The following SLC4A8 variants were observed in gnomAD, a reference collection of about 807,000 sequenced individuals.
SLC4A8 encodes the protein solute carrier family 4 member 8.
SLC4A8 carries 40 observed loss-of-function variants against 125.0 expected under a neutral mutation model. The ratio of observed to expected loss-of-function variants is 0.32; its 90% CI spans 0.25 to 0.42. The LOEUF (loss-of-function observed/expected upper bound fraction) is 0.42, where lower values mean the gene tolerates loss of function less well. SLC4A8 is among the 10% of genes least tolerant of loss of function. The pLI is 1.00. For missense variants in SLC4A8, 863 were observed against 1,355.1 expected, an observed-to-expected ratio of 0.64 and a Z score of 5.70; for synonymous variants, 456 against 476.0, an observed-to-expected ratio of 0.96 and a Z score of 0.55.
intron 22 of SLC4A8, among the ~76,000 whole-genome samples, chr12:51,502,974 T>TG (rs1937982111): frequency 1.3e-5 from 2 of 151,772 alleles, no homozygotes; most frequent in East Asian, 2.0e-4. Context: ...CCCGAGTAGC[T>TG]GGGACTACAG....
intron 11 of SLC4A8, among the ~76,000 whole-genome samples, chr12:51,463,939 A>G (rs1950433225): frequency 6.6e-6 from 1 of 152,120 alleles, no homozygotes; most frequent in African/African-American, 2.4e-5. Context: ...TCTCACCTCC[A>G]GTCCTTCCTA....
intron 1 of SLC4A8, among the ~76,000 whole-genome samples, chr12:51,413,628 G>A (rs192888323): frequency 6.6e-6 from 1 of 152,316 alleles, no homozygotes; most frequent in African/African-American, 2.4e-5. Flanking sequence ...TCATTCTTCT[G>A]CGTATGGATA....
At chr12:51,395,785 C>T (rs1040927035) in intron 1 of SLC4A8, among the ~76,000 whole-genome samples, 10 of 152,198 alleles carry the variant, frequency 6.6e-5, no homozygotes, top group Non-Finnish European at 1.2e-4. Flanking sequence ...TCTCCCACTC[C>T]CTCCCTACCT....
At chr12:51,464,968 A>G (rs1038194755) in intron 11 of SLC4A8, among the ~76,000 whole-genome samples, 4 of 152,112 alleles carry the variant, frequency 2.6e-5, no homozygotes, top group Non-Finnish European at 4.4e-5. Flanking sequence ...GTGCTCTGGG[A>G]GGGAGCATTG....
chr12:51,447,002 G>C (rs1045813229), intron 2 of SLC4A8, among the ~76,000 whole-genome samples: 1 of 152,020 alleles, frequency 6.6e-6, no homozygotes, highest in African/African-American at 2.4e-5. Flanking sequence ...CATGAGAACA[G>C]CACTAACCAA....
At chr12:51,482,373 G>A (rs1328132671) in intron 16 of SLC4A8, among the ~76,000 whole-genome samples, 2 of 151,552 alleles carry the variant, frequency 1.3e-5, no homozygotes, top group African/African-American at 4.9e-5. Context: ...ATTAGACATA[G>A]GGGTAACGTA....
In SLC4A8 at chr12:51,515,277, C is replaced by G. The variant is rs771118609; in HGVS notation, c.*7839C>G. The G allele has an allele frequency of 2.0e-5, 3 of 152,240 alleles. No homozygotes were observed. The highest frequency in any genetic ancestry group is 7.2e-5 in the African/African-American group (3 of 41,450). The allele number at this position is 152,240 out of a possible 1,614,324, so 9.4% of individuals were successfully genotyped here. ...CCTCCTCCTTCCTTTCTCCTATATTCACTCCTCCAGGATCATAAAGCCTCC... is the reference window on the plus strand; with the variant it reads ...CCTCCTCCTTCCTTTCTCCTATATTGACTCCTCCAGGATCATAAAGCCTCC... On this transcript the variant is annotated 3_prime_UTR_variant, in exon 25 of 25. Transcript: ENST00000453097.
intron 1 of SLC4A8, among the ~76,000 whole-genome samples, chr12:51,417,611 G>C (rs10876174): frequency 0.074 from 11,156 of 151,570 alleles, 517 homozygotes; most frequent in East Asian, 0.22. Context: ...TCCACCTCCC[G>C]GGTTCAAGCG....
intron 10 of SLC4A8, 30 bp from the exon 11 acceptor site, chr12:51,463,584 T>C (rs1644021796): frequency 6.6e-7 from 1 of 1,523,750 alleles, no homozygotes; most frequent in African/African-American, 1.4e-5. Context: ...AGATGTTACC[T>C]TTACTAATTT....
chr12:51,417,737 C>T (rs1197742178), intron 1 of SLC4A8, among the ~76,000 whole-genome samples: 1 of 152,144 alleles, frequency 6.6e-6, no homozygotes, highest in Non-Finnish European at 1.5e-5. Context: ...AGGCTGGTCT[C>T]GAACTCCTGA....
chr12:51,399,493 T>C (rs1054340378), intron 1 of SLC4A8, among the ~76,000 whole-genome samples: 1 of 152,164 alleles, frequency 6.6e-6, no homozygotes, highest in African/African-American at 2.4e-5. Context: ...TTGCCCATAA[T>C]GGTTAAAGTT....
chr12:51,456,811 T>C (rs1216473763), intron 5 of SLC4A8, among the ~76,000 whole-genome samples: 1 of 152,208 alleles, frequency 6.6e-6, no homozygotes, highest in Non-Finnish European at 1.5e-5. Context: ...TGATGCTTGG[T>C]GGTAATTGTC....
Position 51,469,599 on chromosome 12 carries a change from G to C in SLC4A8, c.1350-15G>C, listed in dbSNP as rs762964467. 1 of 1,611,296 alleles carries C rather than the reference G, an allele frequency of 6.2e-7. No individual in the cohort carries two copies. The highest frequency in any genetic ancestry group is 8.5e-7 in the Non-Finnish European group (1 of 1,178,640). On this transcript the variant is annotated splice_polypyrimidine_tract_variant and intron_variant, in intron 11 of 24. Coordinates refer to ENST00000453097, the MANE Select transcript of SLC4A8 (RefSeq NM_001039960.3). ...GACGGACTGTGTTAGAAGCCTGTCT[G>C]TTGTGTTTCCACAGGCTATTTGGGG...
At chr12:51,399,333 T>C (rs1681626569) in intron 1 of SLC4A8, among the ~76,000 whole-genome samples, 1 of 151,774 alleles carries the variant, frequency 6.6e-6, no homozygotes, top group Admixed American at 6.6e-5. Flanking sequence ...TCTCCCTCCT[T>C]CTCCCATCTG....
At chr12:51,447,232 A>G (rs981519504) in intron 2 of SLC4A8, among the ~76,000 whole-genome samples, 1 of 150,934 alleles carries the variant, frequency 6.6e-6, no homozygotes, top group African/African-American at 2.4e-5. Flanking sequence ...ATAGGTGCAC[A>G]CCACCACACC....
At chr12:51,423,800 G>C (rs1273795352), upstream of SLC4A8, among the ~76,000 whole-genome samples, 1 of 152,116 alleles carries the variant, frequency 6.6e-6, no homozygotes, top group Non-Finnish European at 1.5e-5. Context: ...TTGGGTGGCT[G>C]AGGCGGGCAG....
rs773763933 is a variant in SLC4A8, at chr12:51,469,743, C to T, written c.1479C>T (p.Val493=). 13 of 1,613,980 alleles carry T rather than the reference C, an allele frequency of 8.1e-6. No individual in the cohort carries two copies. The highest frequency in any genetic ancestry group is 1.1e-5 in the Non-Finnish European group (13 of 1,180,030). Residue 493 remains valine (V), a synonymous_variant, in exon 12 of 25, where the codon GTC becomes GTT. Coordinates refer to ENST00000453097, the MANE Select transcript of SLC4A8 (RefSeq NM_001039960.3). ...LFLYCACMSP[V]ITFGGLLGEA... The stretch of plus-strand genomic sequence containing the variant: ...TGTACTGTGCCTGCATGTCACCTGT[C>T]ATCACCTTTGGGGGACTGCTTGGAG...
chr12:51,396,904 AT>A (rs1400198896), intron 1 of SLC4A8, among the ~76,000 whole-genome samples: 1 of 141,922 alleles, frequency 7.0e-6, no homozygotes, highest in Non-Finnish European at 1.5e-5. Context: ...ATTTATTATG[AT>A]TTTACTTCAG....
intron 1 of SLC4A8, among the ~76,000 whole-genome samples, chr12:51,431,065 C>T (rs1417567543): frequency 2.6e-5 from 4 of 152,166 alleles, no homozygotes; most frequent in East Asian, 1.9e-4. Context: ...TCTGTTTCCT[C>T]GCCTTTTCCA....
Sources: allele counts gnomAD v4.1 joint callset (sites outside exome capture counted in the v4.1 genomes callset), GRCh38; gene constraint gnomAD v4.1.1; transcripts MANE v1.5; gene names NCBI Gene and HGNC (gene_info 2026-07-23, HGNC 2026-07-21).